The following MAP3K5 variants were observed in gnomAD, a reference collection of about 807,000 sequenced individuals.
The protein encoded by MAP3K5 is mitogen-activated protein kinase kinase kinase 5, also known as ASK-1.
Under a neutral mutation model 158.7 loss-of-function variants are expected in MAP3K5, and 56 were observed. The ratio of observed to expected loss-of-function variants is 0.35; its 90% CI spans 0.28 to 0.44. MAP3K5 has a LOEUF of 0.44. Among genes scored for constraint, MAP3K5 ranks in the 20% least tolerant of loss-of-function variants. The probability of loss-of-function intolerance (pLI) is 1.00; values close to 1 mark genes in which losing one functional copy is unlikely to be tolerated. For missense variants in MAP3K5, 1,294 were observed against 1,674.8 expected (o/e 0.77, Z 3.97); for synonymous variants, 579 against 601.7 (o/e 0.96, Z 0.55).
intron 1 of MAP3K5, among the ~76,000 whole-genome samples, chr6:136,750,598 T>C (rs998936827): frequency 2.0e-5 from 3 of 152,240 alleles, no homozygotes; most frequent in Non-Finnish European, 4.4e-5. Context: ...TTCGACAAGA[T>C]CATGTGGCAT....
intron 21 of MAP3K5, among the ~76,000 whole-genome samples, chr6:136,593,507 G>A (rs1775486466): frequency 6.6e-6 from 1 of 152,134 alleles, no homozygotes; most frequent in East Asian, 1.9e-4. Flanking sequence ...CTTGCCAGGA[G>A]GCTGGGAAAC....
At chr6:136,639,702 GA>G (rs1777828530) in intron 12 of MAP3K5, 64 bp from the exon 13 acceptor site, 1 of 753,414 alleles carries the variant, frequency 1.3e-6, no homozygotes, top group African/African-American at 1.8e-5. Flanking sequence ...GTCCTATGAT[GA>G]AAAAGAAATG....
At chr6:136,718,924 C>T (rs1358912286) in intron 2 of MAP3K5, among the ~76,000 whole-genome samples, 1 of 152,042 alleles carries the variant, frequency 6.6e-6, no homozygotes, top group Non-Finnish European at 1.5e-5. Flanking sequence ...ACCTATAATC[C>T]CAACCCTTTG....
At chr6:136,625,854 AAT>A in intron 14 of MAP3K5, among the ~76,000 whole-genome samples, 1 of 152,134 alleles carries the variant, frequency 6.6e-6, no homozygotes, top group Admixed American at 6.5e-5. Context: ...GAAATGATAG[AAT>A]ATAGTTATAA....
At position 136,558,853 on chromosome 6, in the gene MAP3K5, T is replaced by C. The variant is rs370967982; in HGVS notation, c.4011A>G (p.Leu1337=). 6.9e-6 allele frequency: 11 copies of C among 1,600,196 alleles called. No individual in the cohort carries two copies. The highest frequency in any genetic ancestry group is 1.1e-5 in the South Asian group (1 of 90,222). The change falls in exon 29 of 30, where the codon CTA becomes CTG. Residue 1337 remains leucine, a synonymous_variant. Coordinates refer to ENST00000359015, the MANE Select transcript of MAP3K5 (RefSeq NM_005923.4). ...GTGTAACATAGTAGAGAACATCCAA[T>C]AGTGTATAATCTTCAGCCAAAAACT... ...ISRFLAEDYT[L]LDVLYYVTRD... is the part of the protein sequence containing the mutation.
chr6:136,598,197 A>G (rs1000867121), intron 21 of MAP3K5, among the ~76,000 whole-genome samples: 1 of 152,222 alleles, frequency 6.6e-6, no homozygotes, highest in Non-Finnish European at 1.5e-5. Context: ...AACACACAGT[A>G]AAGTTTCACA....
At chr6:136,591,353 A>G (rs1406458745) in intron 23 of MAP3K5, among the ~76,000 whole-genome samples, 1 of 152,250 alleles carries the variant, frequency 6.6e-6, no homozygotes, top group Non-Finnish European at 1.5e-5. Context: ...CTGCAGTGGA[A>G]TAGTGTCCTT....
chr6:136,762,856 G>A (rs1043818540), intron 1 of MAP3K5, among the ~76,000 whole-genome samples: 2 of 152,138 alleles, frequency 1.3e-5, no homozygotes, highest in African/African-American at 2.4e-5. Context: ...TGTACTCTCT[G>A]TGAATCCACC....
intron 6 of MAP3K5, among the ~76,000 whole-genome samples, chr6:136,695,413 G>C (rs1583432093): frequency 6.6e-6 from 1 of 152,042 alleles, no homozygotes; most frequent in Non-Finnish European, 1.5e-5. Context: ...TGCTAGGATT[G>C]CAGGAGTGAG....
At chr6:136,640,249 A>G (rs1472321150) in intron 12 of MAP3K5, among the ~76,000 whole-genome samples, 1 of 152,212 alleles carries the variant, frequency 6.6e-6, no homozygotes, top group East Asian at 1.9e-4. Flanking sequence ...ATAGTAAAAT[A>G]CTTTAGGTTT....
At chr6:136,742,475 G>A (rs1782752898) in intron 1 of MAP3K5, among the ~76,000 whole-genome samples, 1 of 150,350 alleles carries the variant, frequency 6.7e-6, no homozygotes, top group African/African-American at 2.4e-5. Flanking sequence ...CAAAGATACA[G>A]ACCTTACACC....
intron 1 of MAP3K5, among the ~76,000 whole-genome samples, chr6:136,730,301 CT>C (rs78963095): frequency 2.2e-3 from 312 of 144,548 alleles, no homozygotes; most frequent in Middle Eastern, 0.014. Context: ...ACTGGCCAAA[CT>C]TTTTTTTTTT....
At chr6:136,729,562 C>T (rs1345673615) in intron 1 of MAP3K5, among the ~76,000 whole-genome samples, 1 of 152,198 alleles carries the variant, frequency 6.6e-6, no homozygotes, top group Admixed American at 6.5e-5. Flanking sequence ...AACTCAACAC[C>T]TCCTGATAAA....
intron 21 of MAP3K5, among the ~76,000 whole-genome samples, chr6:136,594,976 C>T (rs140331217): frequency 6.6e-6 from 1 of 152,272 alleles, no homozygotes; most frequent in East Asian, 1.9e-4. Flanking sequence ...TACCGACTGC[C>T]TAAAAGGAGG....
chr6:136,768,827 C>T (rs1194393420), intron 1 of MAP3K5, among the ~76,000 whole-genome samples: 3 of 151,866 alleles, frequency 2.0e-5, no homozygotes, highest in East Asian at 1.9e-4. Context: ...GCAGGAGAAT[C>T]GCTTGAACCC....
chr6:136,707,240 A>G (rs923183027), intron 2 of MAP3K5, among the ~76,000 whole-genome samples: 3 of 152,246 alleles, frequency 2.0e-5, no homozygotes, highest in South Asian at 4.1e-4. Context: ...ATATTTATGT[A>G]AGTCTGGATG....
intron 7 of MAP3K5, among the ~76,000 whole-genome samples, chr6:136,690,580 A>G (rs1780342349): frequency 1.3e-5 from 2 of 152,216 alleles, no homozygotes; most frequent in African/African-American, 4.8e-5. Flanking sequence ...TAATCTTTTT[A>G]TAAGTTTCAA....
Position 136,792,005 on chromosome 6 carries a change from C to G in MAP3K5, c.153G>C (p.Pro51=). 2 of 1,572,970 alleles carry G rather than the reference C, an allele frequency of 1.3e-6. No homozygotes were observed. Among genetic ancestry groups the G allele is most frequent in the Non-Finnish European group, 1.7e-6 (2 of 1,158,942 alleles). The part of the protein sequence containing the change: ...GEEHQLPPPP[P]GSFWNVESAA... Reference sequence around the variant, plus strand: ...CGCTCTCCACGTTCCAGAAGCTGCCCGGCGGCGGCGGTGGCAGCTGGTGCT... The same window carrying G: ...CGCTCTCCACGTTCCAGAAGCTGCCGGGCGGCGGCGGTGGCAGCTGGTGCT... The change falls in exon 1 of 30, where the codon CCG becomes CCC. Residue 51 remains proline (P), a synonymous_variant. Coordinates refer to ENST00000359015, the MANE Select transcript of MAP3K5 (RefSeq NM_005923.4). This position sits in a 1 kb window ranked among gnomAD's most constrained non-coding sequence, Gnocchi z 5.7.
At chr6:136,742,513 A>G (rs1562664504) in intron 1 of MAP3K5, among the ~76,000 whole-genome samples, 1 of 152,178 alleles carries the variant, frequency 6.6e-6, no homozygotes, top group African/African-American at 2.4e-5. Flanking sequence ...CAAATGGATC[A>G]TAGTTCTAAA....
Sources: allele counts gnomAD v4.1 joint callset (sites outside exome capture counted in the v4.1 genomes callset), GRCh38; gene constraint gnomAD v4.1.1; non-coding constraint Gnocchi (gnomAD v3.1); transcripts MANE v1.5; gene names NCBI Gene and HGNC (gene_info 2026-07-23, HGNC 2026-07-21).